Variants in EIF2AK4 observed in about 807,000 individuals in gnomAD.
EIF2AK4 encodes the protein eIF-2-alpha kinase GCN2.
A neutral mutation model predicts 211.1 loss-of-function variants in EIF2AK4; 139 were observed. That is an observed-to-expected ratio of 0.66 (90% CI 0.57 to 0.76). The LOEUF (loss-of-function observed/expected upper bound fraction) is 0.76, where lower values mean the gene tolerates loss of function less well. Ranked by LOEUF, EIF2AK4 falls within the 30% of genes least tolerant of loss-of-function variation. EIF2AK4 has a pLI of 0.00. For synonymous variants in EIF2AK4, 710 were observed against 751.3 expected (o/e 0.94, Z 0.90); for missense variants, 1,664 against 2,043.8 (o/e 0.81, Z 3.58).
chr15:39,953,920 A>T lies in EIF2AK4; in HGVS notation c.530A>T (p.His177Leu), dbSNP rs2034354723. 1 of 1,612,074 alleles carries T rather than the reference A, an allele frequency of 6.2e-7. No individual in the cohort carries two copies. The highest frequency in any genetic ancestry group is 1.7e-5 in the Admixed American group (1 of 59,938). Reference protein sequence around the residue: ...KEEQEQREILHEIQRRKEEIK... With the variant: ...KEEQEQREILLEIQRRKEEIK... ...TTATTTCAGCAACGTGAAATCCTGC[A>T]TGAGATTCAGAGAAGGAAAGAAGAG... is the stretch of plus-strand genomic sequence containing the variant. Residue 177 changes from histidine (H) to leucine (L), a missense_variant, in exon 5 of 39, where the codon CAT (histidine) becomes CTT (leucine). Physicochemically the swap from His to Leu is moderately conservative, Grantham distance 99. Around this residue, in one of 7 missense-constraint regions of EIF2AK4, gnomAD observed 641 missense variants for 729.6 expected, o/e 0.88. Coordinates refer to ENST00000263791, the MANE Select transcript of EIF2AK4 (RefSeq NM_001013703.4).
chr15:39,994,540 T>C (rs975533043), intron 18 of EIF2AK4, among the ~76,000 whole-genome samples: 9 of 152,216 alleles, frequency 5.9e-5, no homozygotes, highest in Non-Finnish European at 8.8e-5. Flanking sequence ...GGCCAGGAGA[T>C]TGGGGCTGCA....
At chr15:39,998,270 G>GTTTTTTTTTTTTT (rs11435806) in intron 19 of EIF2AK4, among the ~76,000 whole-genome samples, 13 of 125,394 alleles carry the variant, frequency 1.0e-4, no homozygotes, top group East Asian at 2.5e-4. Context: ...TTTTTTTTTT[G>GTTTTTTTTTTTTT]TTTTGTTTTT....
chr15:40,005,523 AC>A, intron 23 of EIF2AK4, among the ~76,000 whole-genome samples: 1 of 152,066 alleles, frequency 6.6e-6, no homozygotes, highest in Non-Finnish European at 1.5e-5. Context: ...AAACAAAAAA[AC>A]AAAAAACTGT....
chr15:39,981,972 T>C (rs1403997347), intron 13 of EIF2AK4, among the ~76,000 whole-genome samples: 1 of 146,062 alleles, frequency 6.8e-6, no homozygotes, highest in African/African-American at 2.5e-5. Context: ...TCGCCCAGGC[T>C]GGAGTGCAGT....
At chr15:39,991,978 C>T in intron 16 of EIF2AK4, 197 bp from the exon 17 acceptor site, 1 of 489,010 alleles carries the variant, frequency 2.0e-6, no homozygotes, top group Non-Finnish European at 3.6e-6. Context: ...CCCCCTCCCT[C>T]TTGATTTCAT....
At chr15:40,009,970 G>A (rs1412722201) in intron 26 of EIF2AK4, among the ~76,000 whole-genome samples, 2 of 152,150 alleles carry the variant, frequency 1.3e-5, no homozygotes, top group Non-Finnish European at 2.9e-5. Context: ...CCTCCGGGGT[G>A]TTTTTTAAAA....
chr15:39,962,988 T>C (rs1462188517), intron 7 of EIF2AK4, among the ~76,000 whole-genome samples: 1 of 152,254 alleles, frequency 6.6e-6, no homozygotes, highest in Non-Finnish European at 1.5e-5. Context: ...GAAATGAGTT[T>C]GCTTTCTTTT....
intron 2 of EIF2AK4, among the ~76,000 whole-genome samples, chr15:39,942,705 C>T (rs1482673862): frequency 4.6e-5 from 7 of 152,120 alleles, no homozygotes; most frequent in Admixed American, 1.3e-4. Context: ...TAGATGAGCT[C>T]TAGGCAGAGG....
intron 23 of EIF2AK4, among the ~76,000 whole-genome samples, chr15:40,005,780 C>T (rs1342921673): frequency 1.3e-5 from 2 of 151,948 alleles, no homozygotes; most frequent in Admixed American, 6.6e-5. Context: ...ACTGTATTAG[C>T]AAGGATGGTC....
At chr15:39,993,190 ATCCG>A (rs1361790101) in intron 18 of EIF2AK4, among the ~76,000 whole-genome samples, 5 of 149,152 alleles carry the variant, frequency 3.4e-5, no homozygotes, top group African/African-American at 7.4e-5. Context: ...CCACTCGTCC[ATCCG>A]TCCGTCCGTC....
intron 22 of EIF2AK4, among the ~76,000 whole-genome samples, 177 bp from the exon 23 acceptor site, chr15:40,003,016 T>C (rs1190760782): frequency 6.6e-6 from 1 of 152,238 alleles, no homozygotes; most frequent in African/African-American, 2.4e-5. Context: ...GACCAAACTG[T>C]CAAACTTAAC....
In EIF2AK4 at chr15:40,030,334, A is replaced by C; in HGVS notation, c.4562-25A>C. The C allele has an allele frequency of 1.9e-6, 3 of 1,611,094 alleles. No individual in the cohort carries two copies. In the South Asian group the frequency reaches 3.3e-5, roughly 18 times the overall value. On this transcript the variant is annotated intron_variant, in intron 34 of 38. Transcript: ENST00000263791. ...GAAAGTGGGACCAGATAAGGCCATA[A>C]ATTCTGAAACTCTCTTGGTCTCAGG...
intron 9 of EIF2AK4, among the ~76,000 whole-genome samples, 194 bp downstream of exon 9, chr15:39,968,073 A>G (rs1200518320): frequency 6.6e-6 from 1 of 152,178 alleles, no homozygotes; most frequent in Non-Finnish European, 1.5e-5. Context: ...TAACTACCAC[A>G]TTCTCTGAAA....
rs4924403 is a variant in EIF2AK4, at chr15:39,980,222, C to T, written c.2319+2075C>T. Among the ~76,000 whole-genome samples, 746 of 152,272 alleles carry T rather than the reference C, an allele frequency of 4.9e-3. 23 individuals are homozygous for T. Among genetic ancestry groups the T allele is most frequent in the Admixed American group, 0.042 (645 of 15,292 alleles). Reference sequence around the variant, plus strand: ...CCTCATAGGAACTGAAATAGACGTACGCTTACCCTTTCTCTGAAGTATAAC... The same window carrying T: ...CCTCATAGGAACTGAAATAGACGTATGCTTACCCTTTCTCTGAAGTATAAC... On this transcript the variant is annotated intron_variant, in intron 13 of 38. Coordinates refer to ENST00000263791, the MANE Select transcript of EIF2AK4 (RefSeq NM_001013703.4).
intron 29 of EIF2AK4, among the ~76,000 whole-genome samples, chr15:40,017,603 G>A (rs1363276833): frequency 7.1e-6 from 1 of 140,550 alleles, no homozygotes; most frequent in Non-Finnish European, 1.5e-5. Context: ...GGAGTGCAAT[G>A]GCGCAATCTT....
At chr15:39,963,944 TA>T (rs1204929587) in intron 7 of EIF2AK4, among the ~76,000 whole-genome samples, 1 of 152,208 alleles carries the variant, frequency 6.6e-6, no homozygotes, top group Admixed American at 6.5e-5. Flanking sequence ...TTTATGTAAA[TA>T]ACGTCTTACT....
intron 34 of EIF2AK4, among the ~76,000 whole-genome samples, 159 bp from the exon 35 acceptor site, chr15:40,030,200 G>C (rs983631374): frequency 1.3e-5 from 2 of 152,124 alleles, no homozygotes; most frequent in Non-Finnish European, 2.9e-5. Flanking sequence ...CACCTATCCG[G>C]TGCAGATGGT....
At chr15:39,983,484 C>T (rs1232224157) in intron 13 of EIF2AK4, among the ~76,000 whole-genome samples, 4 of 151,466 alleles carry the variant, frequency 2.6e-5, no homozygotes, top group Admixed American at 6.6e-5. Flanking sequence ...CTCTTGTTGC[C>T]CAGGGTAGAG....
intron 37 of EIF2AK4, 129 bp from the exon 38 acceptor site, chr15:40,034,197 C>G: frequency 1.4e-6 from 1 of 690,882 alleles, no homozygotes; most frequent in Non-Finnish European, 2.5e-6. Context: ...GTTCTGCTAT[C>G]TCCCTATTAC....
Sources: allele counts gnomAD v4.1 joint callset (sites outside exome capture counted in the v4.1 genomes callset), GRCh38; gene constraint gnomAD v4.1.1; regional missense constraint gnomAD v4.1.1; transcripts MANE v1.5; gene names NCBI Gene and HGNC (gene_info 2026-07-23, HGNC 2026-07-21).